Variants in CHRND observed in about 807,000 individuals in gnomAD.
The protein encoded by CHRND is acetylcholine receptor subunit delta.
CHRND carries 40 observed loss-of-function variants against 57.8 expected under a neutral mutation model. The ratio of observed to expected loss-of-function variants is 0.69; its 90% CI spans 0.54 to 0.90. The LOEUF is 0.90. CHRND is among the 40% of genes least tolerant of loss of function. CHRND has a pLI of 0.00. For synonymous variants in CHRND, 237 were observed against 270.6 expected (o/e 0.88, Z 1.22); for missense variants, 634 against 673.9 (o/e 0.94, Z 0.66).
At position 232,531,732 on chromosome 2, in the gene CHRND, T is replaced by G; in HGVS notation, c.1047+76T>G. 2.3e-6 allele frequency: 3 copies of G among 1,301,094 alleles called. 1 individual carries two copies. Among genetic ancestry groups the G allele is most frequent in the Admixed American group, 3.4e-5 (2 of 58,368 alleles). The allele number at this position is 1,301,094 out of a possible 1,614,324, so 80.6% of individuals were successfully genotyped here. ...AGGAGGCTGAGGCGGGAGAATCTCTTGAGCCCAGGAGTTGGAGACCAGCCT... is the reference window on the plus strand; with the variant it reads ...AGGAGGCTGAGGCGGGAGAATCTCTGGAGCCCAGGAGTTGGAGACCAGCCT... On this transcript the variant is annotated intron_variant, in intron 9 of 11. Coordinates refer to ENST00000258385, the MANE Select transcript of CHRND (RefSeq NM_000751.3).
At chr2:232,529,066 A>T in intron 6 of CHRND, 95 bp downstream of exon 6, 1 of 833,780 alleles carries the variant, frequency 1.2e-6, no homozygotes. Flanking sequence ...GTGCACACAC[A>T]CACACACTTA....
At chr2:232,527,310 A>AGAGAGAG (rs1553573948) in intron 2 of CHRND, 91 bp from the exon 3 acceptor site, 2 of 914,238 alleles carry the variant, frequency 2.2e-6, no homozygotes, top group Non-Finnish European at 3.5e-6. Flanking sequence ...TGGAAAAAAA[A>AGAGAGAG]AGAGAGAGAG....
rs570365784 is a variant in CHRND at position 232,527,278 on chromosome 2, C to G, written c.199-123C>G. 1.0e-4 allele frequency: 93 copies of G among 906,962 alleles called. No homozygotes were observed. In the African/African-American group the frequency reaches 1.3e-3, roughly 13 times the overall value. 56.2% of individuals were successfully genotyped at this position (906,962 alleles called of 1,614,324 possible). A position where few individuals can be genotyped will look rare whatever the true frequency, so the allele number is the denominator to read the frequency against. ...CCAAGCTCGTGCCACTGCACTCCAT[C>G]CTGGGCAATTGAGCAAGACCCTGGA... On this transcript the variant is annotated intron_variant, in intron 2 of 11. Coordinates refer to ENST00000258385, the MANE Select transcript of CHRND (RefSeq NM_000751.3).
In CHRND at chr2:232,526,587, C is replaced by A. The variant is rs754656406; in HGVS notation, c.111C>A (p.Gly37=). ...TCCGGCACCTGTTTCAAGAGAAGGG[C>A]TACAACAAGGAGCTCCGGCCCGTGG... ...RLIRHLFQEK[G]YNKELRPVAH... Residue 37 remains glycine, a synonymous_variant, in exon 2 of 12, where the codon GGC becomes GGA. Transcript: ENST00000258385. The A allele has an allele frequency of 6.2e-7, 1 of 1,613,838 alleles. No homozygotes were observed. The highest frequency in any genetic ancestry group is 1.1e-5 in the South Asian group (1 of 91,088).
Position 232,531,354 on chromosome 2 carries a change from G to A in CHRND, c.823G>A (p.Gly275Ser), listed in dbSNP as rs373187583. ...NLVFYLPADS[G>S]EKTSVAISVL... ...ACAGCTAAGTCTGGCTTCCCCAGGT[G>A]GTGAGAAGACATCAGTGGCCATCTC... Residue 275 changes from glycine (G) to serine (S), a missense_variant and splice_region_variant, in exon 8 of 12, where the codon GGT (glycine) becomes AGT (serine). Transcript: ENST00000258385. The A allele has an allele frequency of 1.2e-5, 19 of 1,611,348 alleles. No individual in the cohort carries two copies. Among genetic ancestry groups the A allele is most frequent in the Middle Eastern group, 1.6e-4 (1 of 6,076 alleles).
rs1221932092 is a variant in CHRND at position 232,535,210 on chromosome 2, C to A, written c.1452C>A (p.Gly484=). 1.7e-5 allele frequency: 27 copies of A among 1,614,098 alleles called. No individual in the cohort carries two copies. Among genetic ancestry groups the A allele is most frequent in the Non-Finnish European group, 2.0e-5 (24 of 1,180,046 alleles). ...LFVVTPVMVV[G]TAWIFLQGVY... ...TGGTGACGCCTGTCATGGTGGTGGG[C>A]ACAGCCTGGATCTTCCTGCAGGGCG... is the stretch of plus-strand genomic sequence containing the variant. The change falls in exon 12 of 12, where the codon GGC becomes GGA. Residue 484 remains glycine, a synonymous_variant. Transcript: ENST00000258385.
intron 4 of CHRND, 28 bp from the exon 5 acceptor site, chr2:232,528,473 C>A: frequency 6.2e-7 from 1 of 1,614,098 alleles, no homozygotes; most frequent in Non-Finnish European, 8.5e-7. Context: ...GGCCAGAGCT[C>A]ACTATGGTTC....
chr2:232,526,259 C>T lies in CHRND; in HGVS notation c.44C>T (p.Ala15Val), dbSNP rs142531974. 109 of 1,612,956 alleles carry T rather than the reference C, an allele frequency of 6.8e-5. No homozygotes were observed. The African/African-American group carries it at 1.0e-3, about 15-fold the overall frequency. The change falls in exon 1 of 12, where the codon GCG (alanine) becomes GTG (valine). Residue 15 changes from alanine (A) to valine (V), a missense_variant. By Grantham distance (64) the Ala-to-Val change is moderately conservative. Transcript: ENST00000258385. ...ACACTGGGGCTGCTGGCTGCCCTGG[C>T]GGTGTGTGGTAAGGGAAGACACCCT... ...VLTLGLLAAL[A>V]VCGSWGLNEE...
Position 232,536,630 on chromosome 2 carries a change from T to C in CHRND, c.*1318T>C, listed in dbSNP as rs971290401. The C allele has an allele frequency of 1.9e-5, 7 of 361,476 alleles. No individual in the cohort carries two copies. The highest frequency in any genetic ancestry group is 3.8e-5 in the Non-Finnish European group (7 of 183,612). 22.4% of individuals were successfully genotyped at this position (361,476 alleles called of 1,614,324 possible). A position where few individuals can be genotyped will look rare whatever the true frequency, so the allele number is the denominator to read the frequency against. Reference sequence around the variant, plus strand: ...TCCTGGATTCCTGACCCCCAGAAACTGTGTGAGATAATAAATGTGTGTTGT... The same window carrying C: ...TCCTGGATTCCTGACCCCCAGAAACCGTGTGAGATAATAAATGTGTGTTGT... On this transcript the variant is annotated 3_prime_UTR_variant, in exon 12 of 12. Transcript: ENST00000258385.
intron 3 of CHRND, 58 bp from the exon 4 acceptor site, chr2:232,528,204 G>A: frequency 1.3e-6 from 2 of 1,507,258 alleles, no homozygotes; most frequent in Non-Finnish European, 1.8e-6. Flanking sequence ...GGAAGTGGGG[G>A]GAGCCAGGAG....
In CHRND at chr2:232,526,191, T is replaced by C. The variant is rs774897840; in HGVS notation, c.-25T>C. 4 of 1,608,238 alleles carry C rather than the reference T, an allele frequency of 2.5e-6. No homozygotes were observed. In the African/African-American group the frequency reaches 4.0e-5, roughly 16 times the overall value. On this transcript the variant is annotated 5_prime_UTR_variant, in exon 1 of 12. It removes an upstream start codon present in the reference 5' UTR. Transcript: ENST00000258385. ...CAGCCCTGTAGACAGGAGGGGCAGA[T>C]GCACGTCCCAGTCAGAGGGATGGGA... is the stretch of plus-strand genomic sequence containing the variant.
chr2:232,526,430 C>A (rs995852848), intron 1 of CHRND, 99 bp from the exon 2 acceptor site: 2 of 1,583,704 alleles, frequency 1.3e-6, no homozygotes, highest in African/African-American at 2.7e-5. Flanking sequence ...TTCCCCCCTG[C>A]TCATCCCAAC....
rs752113659 is a variant in CHRND, at chr2:232,528,876, C to T, written c.524C>T (p.Thr175Met). 1.4e-5 allele frequency: 23 copies of T among 1,613,716 alleles called. No individual in the cohort carries two copies. Among genetic ancestry groups the T allele is most frequent in the Middle Eastern group, 1.6e-4 (1 of 6,084 alleles). ...GCCCTCCCCAGTTCCCTCAAGTATACGGCCAAAGAGATCACCCTGAGCCTG... is the reference window on the plus strand; with the variant it reads ...GCCCTCCCCAGTTCCCTCAAGTATATGGCCAAAGAGATCACCCTGAGCCTG... Reference protein sequence around the residue: ...CSLKFSSLKYTAKEITLSLKQ... With the variant: ...CSLKFSSLKYMAKEITLSLKQ... Residue 175 changes from threonine (T) to methionine (M), a missense_variant, in exon 6 of 12, where the codon ACG (threonine) becomes ATG (methionine). Transcript: ENST00000258385.
intron 3 of CHRND, among the ~76,000 whole-genome samples, 169 bp downstream of exon 3, chr2:232,527,614 G>C (rs1216841982): frequency 6.6e-6 from 1 of 151,994 alleles, no homozygotes; most frequent in African/African-American, 2.4e-5. Flanking sequence ...TGTGGTGGTG[G>C]GTACCTGTAG....
rs1421283972 is a variant in CHRND at position 232,531,333 on chromosome 2, C to T, written c.821-19C>T. The T allele has an allele frequency of 2.5e-5, 40 of 1,585,680 alleles. 1 individual carries two copies. The East Asian group carries it at 8.7e-4, about 35-fold the overall frequency. On this transcript the variant is annotated intron_variant, in intron 7 of 11. Coordinates refer to ENST00000258385, the MANE Select transcript of CHRND (RefSeq NM_000751.3). ...TAGGACCGGTGCCCCAAGGTCACAG[C>T]TAAGTCTGGCTTCCCCAGGTGGTGA...
chr2:232,535,220 A>G lies in CHRND; in HGVS notation c.1462A>G (p.Ile488Val), dbSNP rs1317082231. 8.7e-6 allele frequency: 14 copies of G among 1,614,030 alleles called. No individual in the cohort carries two copies. Among genetic ancestry groups the G allele is most frequent in the Non-Finnish European group, 1.1e-5 (13 of 1,180,032 alleles). Residue 488 changes from isoleucine (I) to valine (V), a missense_variant, in exon 12 of 12, where the codon ATC becomes GTC. Ile to Val is a conservative substitution (Grantham distance 29, BLOSUM62 3). Coordinates refer to ENST00000258385, the MANE Select transcript of CHRND (RefSeq NM_000751.3). ...TPVMVVGTAW[I>V]FLQGVYNQPP... ...TGTCATGGTGGTGGGCACAGCCTGG[A>G]TCTTCCTGCAGGGCGTTTACAACCA... is the stretch of plus-strand genomic sequence containing the variant.
chr2:232,532,652 A>AGACGC (rs1691749424), intron 9 of CHRND, among the ~76,000 whole-genome samples: 1 of 152,196 alleles, frequency 6.6e-6, no homozygotes, highest in Admixed American at 6.5e-5. Flanking sequence ...GAAAGAAACC[A>AGACGC]GACGCAGCAG....
rs140982683 is a variant in CHRND, at chr2:232,535,130, G to A, written c.1372G>A (p.Glu458Lys). The change falls in exon 12 of 12, where the codon GAG becomes AAG. Residue 458 changes from glutamate to lysine, a missense_variant and splice_region_variant. Physicochemically the swap from Glu to Lys is moderately conservative, Grantham distance 56. Transcript: ENST00000258385. ...HMRDQNNYNE[E>K]KDSWNRVART... The stretch of plus-strand genomic sequence containing the variant: ...CCACTCTCTCTGCCCCTACCCACAG[G>A]AGAAAGACAGCTGGAACCGAGTGGC... The A allele has an allele frequency of 6.7e-5, 108 of 1,613,934 alleles. No individual in the cohort carries two copies. The highest frequency in any genetic ancestry group is 8.7e-5 in the Non-Finnish European group (103 of 1,180,038).
chr2:232,526,801 G>A (rs757802853), intron 2 of CHRND, 127 bp downstream of exon 2: 5 of 984,516 alleles, frequency 5.1e-6, no homozygotes, highest in Non-Finnish European at 7.7e-6. Flanking sequence ...GAAACGTGCT[G>A]CGGCTGCTCT....
Sources: allele counts gnomAD v4.1 joint callset (sites outside exome capture counted in the v4.1 genomes callset), GRCh38; gene constraint gnomAD v4.1.1; transcripts MANE v1.5; gene names NCBI Gene and HGNC (gene_info 2026-07-23, HGNC 2026-07-21).